Variants in LAMB3 observed in about 807,000 individuals in gnomAD.
LAMB3 encodes the protein laminin subunit beta 3.
Under a neutral mutation model 140.3 loss-of-function variants are expected in LAMB3, and 104 were observed. That is an observed-to-expected ratio of 0.74 (90% confidence interval 0.63 to 0.87). The LOEUF (loss-of-function observed/expected upper bound fraction) is 0.87, where lower values mean the gene tolerates loss of function less well. Among genes scored for constraint, LAMB3 ranks in the 40% least tolerant of loss-of-function variants. The pLI is 0.00. For missense variants in LAMB3, 1,531 were observed against 1,575.2 expected, an observed-to-expected ratio of 0.97 and a Z score of 0.47; for synonymous variants, 592 against 602.9, an observed-to-expected ratio of 0.98 and a Z score of 0.26.
At chr1:209,650,194 G>A in intron 2 of LAMB3, 76 bp from the exon 3 acceptor site, 2 of 1,449,154 alleles carry the variant, frequency 1.4e-6, no homozygotes, top group Non-Finnish European at 1.9e-6. Context: ...ATCTTTCAGG[G>A]AAGCTGACAT....
chr1:209,650,649 T>C (rs186799483), intron 2 of LAMB3, among the ~76,000 whole-genome samples: 5 of 152,330 alleles, frequency 3.3e-5, no homozygotes, highest in Admixed American at 1.3e-4. Flanking sequence ...GATGGGAAAC[T>C]GTGGAGAGCA....
intron 3 of LAMB3, among the ~76,000 whole-genome samples, chr1:209,641,092 A>AT (rs1380607992): frequency 1.6e-5 from 2 of 128,426 alleles, no homozygotes; most frequent in Non-Finnish European, 3.8e-5. Context: ...CAAAAAAAAA[A>AT]AAAAAATTTA....
chr1:209,634,327 TC>T, intron 6 of LAMB3, 119 bp downstream of exon 6: 1 of 1,020,774 alleles, frequency 9.8e-7, no homozygotes. Flanking sequence ...TTCAGGAAAG[TC>T]AGCAAGGGGA....
intron 12 of LAMB3, 101 bp downstream of exon 12, chr1:209,627,282 G>A (rs1666497750): frequency 1.0e-6 from 1 of 970,594 alleles, no homozygotes; most frequent in Non-Finnish European, 1.6e-6. Context: ...CAGTCTGACA[G>A]GGGAGAGGCC....
rs1321746894 is a variant in LAMB3, at chr1:209,650,962, A to G, written c.-18T>C. 1 of 1,614,066 alleles carries G rather than the reference A, an allele frequency of 6.2e-7. No individual in the cohort carries two copies. Among genetic ancestry groups the G allele is most frequent in the South Asian group, 1.1e-5 (1 of 91,084 alleles). On this transcript the variant is annotated 5_prime_UTR_variant, in exon 2 of 23. Coordinates refer to ENST00000356082, the MANE Select transcript of LAMB3 (RefSeq NM_000228.3). ...GGTCTCATCTTCAGCCAATGGGGTG[A>G]TCCCCAGAAAGGACCTTTCCTAGGA...
intron 14 of LAMB3, 118 bp downstream of exon 14, chr1:209,625,530 T>G: frequency 1.5e-6 from 2 of 1,310,676 alleles, no homozygotes; most frequent in Non-Finnish European, 2.2e-6. Context: ...GAGAGAGCAC[T>G]GTGAAAATGC....
At chr1:209,629,094 C>G (rs1398633938) in intron 10 of LAMB3, among the ~76,000 whole-genome samples, 1 of 152,204 alleles carries the variant, frequency 6.6e-6, no homozygotes, top group Non-Finnish European at 1.5e-5. Context: ...TGTAAGACCC[C>G]TTCATCCAGA....
chr1:209,623,615 C>T lies in LAMB3; in HGVS notation c.2248G>A (p.Glu750Lys), dbSNP rs1278003843. The change falls in exon 16 of 23, where the codon GAG (glutamate) becomes AAG (lysine). Residue 750 changes from glutamate to lysine, a missense_variant. Glu to Lys is a moderately conservative substitution (Grantham distance 56, BLOSUM62 1). Transcript: ENST00000356082. The surrounding 1 kb of genome is among the most constrained non-coding windows in gnomAD (Gnocchi z 4.2). The part of the protein sequence containing the change: ...DQLRDSRREA[E>K]RLVRQAGGGG... Reference sequence around the variant, plus strand: ...CCTCCCGCCTGCCGCACCAGCCTCTCTGCCTCTCTCCGGCTGTCCCTGAGC... The same window carrying T: ...CCTCCCGCCTGCCGCACCAGCCTCTTTGCCTCTCTCCGGCTGTCCCTGAGC... 2 of 1,614,266 alleles carry T rather than the reference C, an allele frequency of 1.2e-6. No homozygotes were observed. The highest frequency in any genetic ancestry group is 1.7e-6 in the Non-Finnish European group (2 of 1,180,048).
Position 209,634,465 on chromosome 1 carries a change from T to G in LAMB3, c.546A>C (p.Ala182=). 2.5e-6 allele frequency: 4 copies of G among 1,613,918 alleles called. No homozygotes were observed. Among genetic ancestry groups the G allele is most frequent in the Non-Finnish European group, 3.4e-6 (4 of 1,179,984 alleles). The change falls in exon 6 of 23, where the codon GCA becomes GCC. Residue 182 remains alanine (A), a synonymous_variant. Coordinates refer to ENST00000356082, the MANE Select transcript of LAMB3 (RefSeq NM_000228.3). The part of the protein sequence containing the change: ...RCQSLPQRPN[A]RLNGGKVQLN... ...TACCTACCTTCCCCCCATTTAGGCG[T>G]GCATTAGGCCTCTGAGGCAGGGACT...
At position 209,623,641 on chromosome 1, in the gene LAMB3, T is replaced by C; in HGVS notation, c.2222A>G (p.Gln741Arg). The C allele has an allele frequency of 6.2e-7, 1 of 1,614,200 alleles. No homozygotes were observed. The highest frequency in any genetic ancestry group is 8.5e-7 in the Non-Finnish European group (1 of 1,180,028). ...TGCCTCTCTCCGGCTGTCCCTGAGC[T>C]GGTCCAAAAGGCGCGAGCTGTCGGA... is the stretch of plus-strand genomic sequence containing the variant. ...QVSDSSRLLD[Q>R]LRDSRREAER... The change falls in exon 16 of 23, where the codon CAG becomes CGG. Residue 741 changes from glutamine (Q) to arginine (R), a missense_variant. Coordinates refer to ENST00000356082, the MANE Select transcript of LAMB3 (RefSeq NM_000228.3). The surrounding 1 kb of genome is among the most constrained non-coding windows in gnomAD (Gnocchi z 4.2).
rs539390533 is a variant in LAMB3, at chr1:209,618,600, G to A, written c.2761C>T (p.Leu921=). The change falls in exon 19 of 23, where the codon CTG becomes TTG. Residue 921 remains leucine, a synonymous_variant. Coordinates refer to ENST00000356082, the MANE Select transcript of LAMB3 (RefSeq NM_000228.3). Reference sequence around the variant, plus strand: ...AGAACAGTAGCTGAGTCTGTGGGCAGCCACAGGGCCAGCACGGCCTCGCTG... The same window carrying A: ...AGAACAGTAGCTGAGTCTGTGGGCAACCACAGGGCCAGCACGGCCTCGCTG... The part of the protein sequence containing the change: ...EVSEAVLALW[L]PTDSATVLQK... 1 of 1,614,154 alleles carries A rather than the reference G, an allele frequency of 6.2e-7. No homozygotes were observed. The highest frequency in any genetic ancestry group is 1.1e-5 in the South Asian group (1 of 91,092).
chr1:209,641,978 T>A (rs2076472879), intron 3 of LAMB3, among the ~76,000 whole-genome samples: 1 of 152,082 alleles, frequency 6.6e-6, no homozygotes, highest in African/African-American at 2.4e-5. Flanking sequence ...CAGAGCTTTC[T>A]CCCCAGCTCT....
At chr1:209,637,880 T>C (rs370948570) in intron 5 of LAMB3, 28 bp downstream of exon 5, 4 of 1,593,460 alleles carry the variant, frequency 2.5e-6, no homozygotes, top group African/African-American at 1.3e-5. Flanking sequence ...GCCCCTCTCC[T>C]ATCCACTGCC....
chr1:209,626,234 A>G (rs1328862757), intron 13 of LAMB3, among the ~76,000 whole-genome samples: 2 of 152,220 alleles, frequency 1.3e-5, no homozygotes, highest in Non-Finnish European at 2.9e-5. Context: ...CACCACTTAA[A>G]GTCACACACA....
chr1:209,623,511 G>A lies in LAMB3; in HGVS notation c.2352C>T (p.Phe784=). 6.2e-7 allele frequency: 1 copy of A among 1,613,708 alleles called. No homozygotes were observed. Among genetic ancestry groups the A allele is most frequent in the Non-Finnish European group, 8.5e-7 (1 of 1,179,578 alleles). ...MSSLPDLTPT[F]NKLCGNSRQM... is the part of the protein sequence containing the mutation. The stretch of plus-strand genomic sequence containing the variant: ...ACTCCATGCCCCAAGTCACCTTGTT[G>A]AAGGTGGGTGTCAGGTCAGGCAACG... The change falls in exon 16 of 23, where the codon TTC becomes TTT. Residue 784 remains phenylalanine, a synonymous_variant. Transcript: ENST00000356082. The surrounding 1 kb of genome is among the most constrained non-coding windows in gnomAD (Gnocchi z 4.2).
chr1:209,629,109 C>A (rs778462357), intron 10 of LAMB3, among the ~76,000 whole-genome samples: 27 of 152,210 alleles, frequency 1.8e-4, no homozygotes, highest in African/African-American at 5.1e-4. Flanking sequence ...TCCAGAAAGT[C>A]TTTTCTGACT....
chr1:209,643,996 A>T (rs2076493969), intron 3 of LAMB3, among the ~76,000 whole-genome samples: 1 of 152,254 alleles, frequency 6.6e-6, no homozygotes, highest in South Asian at 2.1e-4. Context: ...GTAGACAAAG[A>T]AAGCAAGAGA....
intron 2 of LAMB3, 114 bp downstream of exon 2, chr1:209,650,803 G>A (rs977121657): frequency 5.1e-6 from 5 of 989,358 alleles, no homozygotes; most frequent in African/African-American, 3.2e-5. Context: ...ATTCCCAACT[G>A]AAGGGACTAC....
Position 209,617,459 on chromosome 1 carries a change from G to C in LAMB3, c.3179C>G (p.Ala1060Gly). The change falls in exon 21 of 23, where the codon GCC (alanine) becomes GGC (glycine). Residue 1060 changes from alanine (A) to glycine (G), a missense_variant. Coordinates refer to ENST00000356082, the MANE Select transcript of LAMB3 (RefSeq NM_000228.3). ...GCTGGCACCTTCCGCAAGCTGCTGG[G>C]CCTGGACTGCCTCTGCCCCCTGCTG... Reference protein sequence around the residue: ...ARQQGAEAVQAQQLAEGASEQ... With the variant: ...ARQQGAEAVQGQQLAEGASEQ... 2 of 1,613,292 alleles carry C rather than the reference G, an allele frequency of 1.2e-6. No homozygotes were observed. The highest frequency in any genetic ancestry group is 8.5e-7 in the Non-Finnish European group (1 of 1,180,048).
Sources: gnomAD v4.1 joint callset for allele counts (sites outside exome capture counted in the v4.1 genomes callset) on GRCh38, gnomAD v4.1.1 for gene constraint, Gnocchi (gnomAD v3.1) non-coding constraint, MANE v1.5 for transcripts, NCBI Gene and HGNC (gene_info 2026-07-23, HGNC 2026-07-21) for gene names.